The following USP49 variants were observed in gnomAD, a reference collection of about 807,000 sequenced individuals.
USP49 encodes ubiquitin carboxyl-terminal hydrolase 49.
In USP49, 24 loss-of-function variants were observed where a neutral mutation model predicts 58.6. The ratio of observed to expected loss-of-function variants is 0.41; its 90% CI spans 0.30 to 0.58. USP49 has a LOEUF of 0.58. USP49 is among the 20% of genes least tolerant of loss of function. USP49 has a pLI of 0.30. For synonymous variants in USP49, 408 were observed against 365.1 expected, an observed-to-expected ratio of 1.12 and a Z score of -1.34; for missense variants, 703 against 866.1, an observed-to-expected ratio of 0.81 and a Z score of 2.36.
At chr6:41,820,094 C>T (rs1319278607) in intron 3 of USP49, among the ~76,000 whole-genome samples, 1 of 151,864 alleles carries the variant, frequency 6.6e-6, no homozygotes, top group Admixed American at 6.6e-5. Flanking sequence ...TAGATCCATA[C>T]TTGAACAAAC....
At chr6:41,865,564 C>T (rs1774298883) in intron 3 of USP49, among the ~76,000 whole-genome samples, 1 of 152,032 alleles carries the variant, frequency 6.6e-6, no homozygotes, top group Non-Finnish European at 1.5e-5. Flanking sequence ...TGGTCTCAAA[C>T]TCCTGGACTC....
intron 3 of USP49, among the ~76,000 whole-genome samples, chr6:41,808,825 G>A (rs983436167): frequency 6.6e-6 from 1 of 152,102 alleles, no homozygotes; most frequent in Non-Finnish European, 1.5e-5. Context: ...TGCACACTTC[G>A]GGAGGCTGAG....
intron 2 of USP49, among the ~76,000 whole-genome samples, chr6:41,889,844 G>A (rs1043558772): frequency 3.2e-4 from 49 of 152,114 alleles, no homozygotes; most frequent in Admixed American, 1.2e-3. Flanking sequence ...ACTCAAGTGA[G>A]AGAAAATGAT....
At chr6:41,864,472 A>G (rs1474537198) in intron 3 of USP49, among the ~76,000 whole-genome samples, 1 of 152,176 alleles carries the variant, frequency 6.6e-6, no homozygotes, top group Non-Finnish European at 1.5e-5. Flanking sequence ...CTGAGGCATG[A>G]GAATCACTTG....
intron 3 of USP49, among the ~76,000 whole-genome samples, chr6:41,836,773 A>G (rs1773734721): frequency 6.6e-6 from 1 of 152,144 alleles, no homozygotes; most frequent in Non-Finnish European, 1.5e-5. Context: ...ATGTACAAAT[A>G]TCAGTAGCAT....
At chr6:41,878,526 C>T (rs746195984) in intron 2 of USP49, among the ~76,000 whole-genome samples, 25 of 152,140 alleles carry the variant, frequency 1.6e-4, no homozygotes, top group Non-Finnish European at 3.4e-4. Context: ...ACAAAAATCA[C>T]CTTCTATATA....
intron 3 of USP49, among the ~76,000 whole-genome samples, chr6:41,828,615 C>A (rs1333155573): frequency 1.3e-5 from 2 of 152,048 alleles, no homozygotes; most frequent in African/African-American, 4.8e-5. Context: ...TTTATATATT[C>A]TGAATACAAG....
chr6:41,860,810 GATT>G (rs576566087), intron 3 of USP49, among the ~76,000 whole-genome samples: 1 of 151,306 alleles, frequency 6.6e-6, no homozygotes, highest in African/African-American at 2.4e-5. Context: ...GCGCCCGGCA[GATT>G]ATTATTATTA....
At chr6:41,804,760 T>G (rs924407507) in intron 4 of USP49, among the ~76,000 whole-genome samples, 4 of 150,394 alleles carry the variant, frequency 2.7e-5, no homozygotes, top group East Asian at 3.9e-4. Context: ...TGTTTTTTGG[T>G]TTTTTTTGAG....
At chr6:41,865,383 T>C (rs1345718327) in intron 3 of USP49, among the ~76,000 whole-genome samples, 1 of 152,012 alleles carries the variant, frequency 6.6e-6, no homozygotes, top group Non-Finnish European at 1.5e-5. Flanking sequence ...AGCACTAACT[T>C]TGAAAGCAAA....
rs1772833669 is a variant in USP49, at chr6:41,793,427, A to T, written c.*3106T>A. 1 of 152,152 alleles carries T rather than the reference A, an allele frequency of 6.6e-6. No individual in the cohort carries two copies. The highest frequency in any genetic ancestry group is 2.4e-5 in the African/African-American group (1 of 41,322). The allele number at this position is 152,152 out of a possible 1,614,324, so 9.4% of individuals were successfully genotyped here. On this transcript the variant is annotated 3_prime_UTR_variant, in exon 8 of 8. Transcript: ENST00000682992. ...AGGCACGTGCCACCATGCCCAGCTA[A>T]TTTTTGTATTTTTAGTAGAGACGGA...
At chr6:41,894,854 C>T (rs1333601096) in intron 1 of USP49, among the ~76,000 whole-genome samples, 1 of 152,068 alleles carries the variant, frequency 6.6e-6, no homozygotes, top group African/African-American at 2.4e-5. Context: ...CTCTCCCTGG[C>T]TTCTAACCCT....
chr6:41,887,460 G>A (rs1051342494), intron 2 of USP49: 7 of 152,150 alleles, frequency 4.6e-5, no homozygotes, highest in East Asian at 1.9e-4. Context: ...ACAACACAAC[G>A]TTTCAGTGGG....
At chr6:41,880,044 A>G (rs1354997353) in intron 2 of USP49, among the ~76,000 whole-genome samples, 4 of 152,218 alleles carry the variant, frequency 2.6e-5, no homozygotes, top group African/African-American at 9.6e-5. Context: ...TTTTAAGGAA[A>G]CACAGATTTT....
intron 3 of USP49, among the ~76,000 whole-genome samples, chr6:41,826,137 C>A (rs1561910451): frequency 6.6e-6 from 1 of 152,060 alleles, no homozygotes; most frequent in Non-Finnish European, 1.5e-5. Context: ...TGGTGGCATG[C>A]ACCTGTAGTC....
intron 3 of USP49, among the ~76,000 whole-genome samples, chr6:41,843,256 T>C (rs78760838): frequency 0.024 from 3,725 of 152,274 alleles, 70 homozygotes; most frequent in Middle Eastern, 0.068. Flanking sequence ...TTTTTTACAA[T>C]TCACTGTGCT....
At chr6:41,842,053 T>A (rs151232977) in intron 3 of USP49, among the ~76,000 whole-genome samples, 10 of 151,700 alleles carry the variant, frequency 6.6e-5, no homozygotes, top group African/African-American at 2.4e-4. Context: ...CAAGACCGTG[T>A]CTCTAATAAT....
chr6:41,824,915 G>A lies in USP49; in HGVS notation c.-28-17904C>T, dbSNP rs73733039. Among the ~76,000 whole-genome samples, 711 of 152,302 alleles carry A rather than the reference G, an allele frequency of 4.7e-3. 8 individuals are homozygous for A. Among genetic ancestry groups the A allele is most frequent in the African/African-American group, 0.016 (670 of 41,554 alleles). ...AAGGCATAGAAGGCATTTCAAAGAC[G>A]TGGACTGTGCATGAACCCTCATCTC... On this transcript the variant is annotated intron_variant, in intron 3 of 7. Coordinates refer to ENST00000682992, the MANE Select transcript of USP49 (RefSeq NM_001286554.2).
At position 41,807,130 on chromosome 6, in the gene USP49, C is replaced by T. The variant is rs1383250929; in HGVS notation, c.-28-119G>A. The T allele has an allele frequency of 7.3e-6, 8 of 1,090,048 alleles. No individual in the cohort carries two copies. The Admixed American group carries it at 3.0e-4, about 41-fold the overall frequency. The allele number at this position is 1,090,048 out of a possible 1,614,324, so 67.5% of individuals were successfully genotyped here. ...GCAATTGATATTTCAACTCTAGATTCATTCATTTTCAACTCCAAATTGGTT... is the reference window on the plus strand; with the variant it reads ...GCAATTGATATTTCAACTCTAGATTTATTCATTTTCAACTCCAAATTGGTT... On this transcript the variant is annotated intron_variant, in intron 3 of 7. Coordinates refer to ENST00000682992, the MANE Select transcript of USP49 (RefSeq NM_001286554.2).
Sources: gnomAD v4.1 joint callset for allele counts (sites outside exome capture counted in the v4.1 genomes callset) on GRCh38, gnomAD v4.1.1 for gene constraint, MANE v1.5 for transcripts, NCBI Gene and HGNC (gene_info 2026-07-23, HGNC 2026-07-21) for gene names.